The following TENM1 variants were observed in gnomAD, a reference collection of about 807,000 sequenced individuals.
TENM1 encodes teneurin-1.
Under a neutral mutation model 174.8 loss-of-function variants are expected in TENM1, and 35 were observed. The ratio of observed to expected loss-of-function variants is 0.20; its 90% confidence interval spans 0.15 to 0.27. The LOEUF (loss-of-function observed/expected upper bound fraction) is 0.27. TENM1 is among the 10% of genes least tolerant of loss of function. TENM1 has a pLI of 1.00. For synonymous variants in TENM1, 781 were observed against 798.7 expected (o/e 0.98, Z 0.37); for missense variants, 1,633 against 2,130.1 (o/e 0.77, Z 4.59).
chrX:124,805,949 C>T (rs2055585028), intron 3 of TENM1, among the ~76,000 whole-genome samples: 1 of 109,838 alleles, frequency 9.1e-6, no homozygotes, highest in Non-Finnish European at 1.9e-5. Context: ...ATTAGGGAGA[C>T]AAAATAAAGT....
chrX:124,920,157 AC>A (rs1266731946), intron 1 of TENM1, among the ~76,000 whole-genome samples: 1 of 111,912 alleles, frequency 8.9e-6, no homozygotes, highest in East Asian at 2.8e-4. Flanking sequence ...CATCATGCTG[AC>A]TGAAAGGTTA....
the TENM1 span, among the ~76,000 whole-genome samples, chrX:124,985,953 A>T: frequency 9.0e-6 from 1 of 111,456 alleles, no homozygotes; most frequent in African/African-American, 3.3e-5. Context: ...GGGGAGACAA[A>T]ATCTGGTCAT....
intron 3 of TENM1, among the ~76,000 whole-genome samples, chrX:124,757,160 CGG>C (rs1569429546): frequency 8.0e-5 from 9 of 112,627 alleles, no homozygotes; most frequent in East Asian, 2.8e-4. Flanking sequence ...TTCGAGCTTC[CGG>C]CCTGCTTTGT....
intron 20 of TENM1, among the ~76,000 whole-genome samples, chrX:124,496,199 C>T (rs2147977808): frequency 9.0e-6 from 1 of 111,292 alleles, no homozygotes; most frequent in East Asian, 2.8e-4. Flanking sequence ...CCCTTCCTTA[C>T]ACCTTACACA....
At chrX:124,449,467 C>T (rs1212700677) in intron 23 of TENM1, among the ~76,000 whole-genome samples, 2 of 112,282 alleles carry the variant, frequency 1.8e-5, no homozygotes, top group Non-Finnish European at 3.8e-5. Context: ...ACAAATAATT[C>T]TCTTTTCAAC....
the TENM1 span, among the ~76,000 whole-genome samples, chrX:124,982,610 C>T: frequency 1.8e-5 from 2 of 112,154 alleles, no homozygotes; most frequent in Non-Finnish European, 3.8e-5. Context: ...AGGAAAAATA[C>T]TAACTTAGAA....
chrX:124,995,712 A>G, the TENM1 span, among the ~76,000 whole-genome samples: 1 of 111,779 alleles, frequency 8.9e-6, no homozygotes, highest in African/African-American at 3.2e-5. Context: ...TGTTGTTATT[A>G]TCATCAAAGT....
chrX:124,591,355 T>C (rs943684187), intron 11 of TENM1, among the ~76,000 whole-genome samples: 20 of 111,989 alleles, frequency 1.8e-4, no homozygotes, highest in African/African-American at 6.5e-4. Flanking sequence ...GGTGTTTGTG[T>C]GGCAGCAGGT....
chrX:124,381,316 C>A, intron 31 of TENM1, 22 bp from the exon 35 acceptor site: 1 of 1,169,105 alleles, frequency 8.6e-7, no homozygotes, highest in African/African-American at 1.8e-5. Context: ...AGGCACAGAG[C>A]AGATGCAGCA....
At chrX:124,916,921 T>C (rs1241605802) in intron 1 of TENM1, among the ~76,000 whole-genome samples, 2 of 111,321 alleles carry the variant, frequency 1.8e-5, no homozygotes, top group Non-Finnish European at 1.9e-5. Context: ...CTGTTCATTA[T>C]AAATTATCCA....
intron 11 of TENM1, among the ~76,000 whole-genome samples, chrX:124,619,318 G>A (rs2050464672): frequency 9.0e-6 from 1 of 111,185 alleles, no homozygotes. Flanking sequence ...ACTAATTTGT[G>A]GGTATATTTT....
intron 3 of TENM1, among the ~76,000 whole-genome samples, chrX:124,790,562 A>G (rs2055156285): frequency 8.9e-6 from 1 of 112,007 alleles, no homozygotes; most frequent in Non-Finnish European, 1.9e-5. Context: ...GAGGAGTACT[A>G]CTTCTCCAAT....
At chrX:124,510,775 T>TACACACACACACACACACACACACACAC (rs755205162) in intron 18 of TENM1, among the ~76,000 whole-genome samples, 1 of 103,580 alleles carries the variant, frequency 9.7e-6, no homozygotes, top group East Asian at 3.1e-4. Flanking sequence ...CATGGGGAGA[T>TACACACACACACACACACACACACACAC]ACACACACAC....
chrX:124,499,509 G>C (rs1386097329), intron 19 of TENM1, among the ~76,000 whole-genome samples: 1 of 111,473 alleles, frequency 9.0e-6, no homozygotes, highest in Non-Finnish European at 1.9e-5. Flanking sequence ...CTAACAAATT[G>C]GTCTTTTATT....
At chrX:124,631,743 CA>C (rs1168560832) in intron 11 of TENM1, among the ~76,000 whole-genome samples, 1 of 106,922 alleles carries the variant, frequency 9.4e-6, no homozygotes, top group Non-Finnish European at 1.9e-5. Context: ...ACTAAAAATA[CA>C]AAAAAATTAG....
chrX:124,442,258 T>A lies in TENM1; in HGVS notation c.4104+11079A>T, dbSNP rs183515501. On this transcript the variant is annotated intron_variant, in intron 23 of 31. Coordinates refer to ENST00000422452, the Ensembl canonical transcript of TENM1. ...TGGTGGGGTGGAGGTGGTGAGATTT[T>A]CATCTTTGGTGGCAAGAACTTTTAA... 6.5e-4 allele frequency among the ~76,000 whole-genome samples: 73 copies of A among 112,240 alleles called. No homozygotes were observed. In the South Asian group the frequency reaches 0.012, roughly 19 times the overall value.
At chrX:124,621,155 G>T (rs2050508780) in intron 11 of TENM1, among the ~76,000 whole-genome samples, 1 of 111,919 alleles carries the variant, frequency 8.9e-6, no homozygotes. Flanking sequence ...TGAAATATTT[G>T]CATAAACATA....
At chrX:124,755,777 G>A (rs1340769220) in intron 3 of TENM1, among the ~76,000 whole-genome samples, 1 of 107,729 alleles carries the variant, frequency 9.3e-6, no homozygotes, top group Non-Finnish European at 1.9e-5. Context: ...TGAAATTCTG[G>A]GTTGAAAATT....
the TENM1 span, among the ~76,000 whole-genome samples, chrX:125,001,852 T>TACACACAC: frequency 3.3e-4 from 28 of 84,920 alleles, 1 homozygote; most frequent in East Asian, 1.5e-3. Flanking sequence ...TATAGATAGA[T>TACACACAC]ACACACACAC....
Sources: allele counts gnomAD v4.1 joint callset (sites outside exome capture counted in the v4.1 genomes callset), GRCh38; gene constraint gnomAD v4.1.1; transcripts MANE v1.5; gene names NCBI Gene and HGNC (gene_info 2026-07-23, HGNC 2026-07-21).